PMEPA1: variants seen among roughly 807,000 people sequenced by gnomAD.
PMEPA1 encodes the protein protein TMEPAI.
In PMEPA1, 11 loss-of-function variants were observed where a neutral mutation model predicts 23.0. That is an observed-to-expected ratio of 0.48 (90% CI 0.30 to 0.79). The LOEUF (loss-of-function observed/expected upper bound fraction) is 0.79, where lower values mean the gene tolerates loss of function less well. Among genes scored for constraint, PMEPA1 ranks in the 30% least tolerant of loss-of-function variants. PMEPA1 has a pLI of 0.06. For missense variants in PMEPA1, 377 were observed against 390.9 expected, an observed-to-expected ratio of 0.96 and a Z score of 0.30; for synonymous variants, 204 against 166.4, an observed-to-expected ratio of 1.23 and a Z score of -1.74.
intron 1 of PMEPA1, among the ~76,000 whole-genome samples, chr20:57,696,852 A>C (rs1447320816): frequency 6.6e-6 from 1 of 152,216 alleles, no homozygotes; most frequent in Admixed American, 6.5e-5. Context: ...GGCAAGAGAA[A>C]ATGGAGGCCT....
At chr20:57,706,101 A>T (rs987863018) in intron 1 of PMEPA1, among the ~76,000 whole-genome samples, 1 of 152,170 alleles carries the variant, frequency 6.6e-6, no homozygotes, top group Non-Finnish European at 1.5e-5. Flanking sequence ...CCAGTGGGTG[A>T]TGTTAAAAAG....
At chr20:57,664,719 C>T (rs1017183247) in intron 1 of PMEPA1, among the ~76,000 whole-genome samples, 1 of 152,152 alleles carries the variant, frequency 6.6e-6, no homozygotes, top group Non-Finnish European at 1.5e-5. Flanking sequence ...CCAGCGCGGC[C>T]GCATCCCTCC....
rs191311158 is a variant in PMEPA1, at chr20:57,671,827, A to G, written c.110-12130T>C. 1.6e-3 allele frequency among the ~76,000 whole-genome samples: 248 copies of G among 152,338 alleles called. 2 individuals are homozygous for G. The highest frequency in any genetic ancestry group is 1.8e-3 in the Admixed American group (27 of 15,304). On this transcript the variant is annotated intron_variant, in intron 1 of 3. Coordinates refer to ENST00000341744, the MANE Select transcript of PMEPA1 (RefSeq NM_020182.5). ...CCCACTAGAGGCTAGAAGCACCATC[A>G]ATCCCCATTGCGACACTCAAAAATG...
At chr20:57,710,645 C>A, upstream of PMEPA1, 1 of 562,388 alleles carries the variant, frequency 1.8e-6, no homozygotes, top group South Asian at 2.7e-5. Context: ...GGTGTATTGT[C>A]GCCGCCCCAG....
chr20:57,703,272 G>A (rs1042023273), intron 1 of PMEPA1, among the ~76,000 whole-genome samples: 33 of 152,240 alleles, frequency 2.2e-4, no homozygotes, highest in African/African-American at 8.0e-4. Flanking sequence ...GGACATCAGG[G>A]CCTTTCTTTT....
rs6025692 is a variant in PMEPA1 at position 57,649,677 on chromosome 20, C to T, written c.*2376G>A. The T allele has an allele frequency of 0.088, 13,391 of 152,200 alleles. 1,297 individuals are homozygous for T. Among genetic ancestry groups the T allele is most frequent in the African/African-American group, 0.24 (9,930 of 41,372 alleles). 9.4% of individuals were successfully genotyped at this position (152,200 alleles called of 1,614,324 possible). A position where few individuals can be genotyped will look rare whatever the true frequency, so the allele number is the denominator to read the frequency against. ...AGCCTAGATGGGAGTCGTGTACAAACCTTGGCAAAAAAAGGTTGGAGGAGC... is the reference window on the plus strand; with the variant it reads ...AGCCTAGATGGGAGTCGTGTACAAATCTTGGCAAAAAAAGGTTGGAGGAGC... On this transcript the variant is annotated 3_prime_UTR_variant, in exon 4 of 4. Coordinates refer to ENST00000341744, the MANE Select transcript of PMEPA1 (RefSeq NM_020182.5).
At chr20:57,692,283 G>A (rs1260565244) in intron 1 of PMEPA1, among the ~76,000 whole-genome samples, 2 of 152,238 alleles carry the variant, frequency 1.3e-5, no homozygotes, top group East Asian at 1.9e-4. Flanking sequence ...CTTACGTGGT[G>A]ACCACTCACT....
At chr20:57,695,030 C>G (rs2071927797) in intron 1 of PMEPA1, among the ~76,000 whole-genome samples, 1 of 152,254 alleles carries the variant, frequency 6.6e-6, no homozygotes, top group Admixed American at 6.5e-5. Context: ...TGAGGCCCTT[C>G]AAACACCCAC....
chr20:57,666,231 A>AGAGAC (rs946504243), intron 1 of PMEPA1, among the ~76,000 whole-genome samples: 2 of 152,166 alleles, frequency 1.3e-5, no homozygotes, highest in African/African-American at 4.8e-5. Flanking sequence ...GGTCTCCTCC[A>AGAGAC]GAGACAGGCA....
In PMEPA1 at chr20:57,693,444, T is replaced by C. The variant is rs113124715; in HGVS notation, c.109+16030A>G. On this transcript the variant is annotated intron_variant, in intron 1 of 3. Coordinates refer to ENST00000341744, the MANE Select transcript of PMEPA1 (RefSeq NM_020182.5). ...CCACAAGCCAGACAGGCGGCAGAAC[T>C]TCCCCAACACCTCCCCGCCCCGGGA... Among the ~76,000 whole-genome samples the C allele has an allele frequency of 3.2e-3, 482 of 152,276 alleles. 2 individuals are homozygous for C. The highest frequency in any genetic ancestry group is 0.011 in the African/African-American group (446 of 41,566).
chr20:57,663,464 G>C (rs986841997), intron 1 of PMEPA1, among the ~76,000 whole-genome samples: 3 of 152,130 alleles, frequency 2.0e-5, no homozygotes, highest in Non-Finnish European at 2.9e-5. Flanking sequence ...ATGTGCGGGG[G>C]ACATGTGCTC....
At chr20:57,661,719 C>T (rs982636924) in intron 1 of PMEPA1, among the ~76,000 whole-genome samples, 1 of 152,170 alleles carries the variant, frequency 6.6e-6, no homozygotes, top group Non-Finnish European at 1.5e-5. Context: ...ACTCCAAACC[C>T]GGGGGGCCCA....
intron 1 of PMEPA1, among the ~76,000 whole-genome samples, chr20:57,681,787 G>A (rs1169046652): frequency 1.3e-5 from 2 of 152,046 alleles, no homozygotes; most frequent in East Asian, 1.9e-4. Flanking sequence ...AAGGTGACAC[G>A]GCCAGCTGGG....
intron 1 of PMEPA1, among the ~76,000 whole-genome samples, chr20:57,691,514 C>T (rs913246222): frequency 5.3e-5 from 8 of 152,156 alleles, no homozygotes; most frequent in African/African-American, 1.9e-4. Context: ...GGACAGGCAC[C>T]ACTGGCACCG....
chr20:57,657,286 C>A (rs2071339496), intron 2 of PMEPA1, among the ~76,000 whole-genome samples: 1 of 152,178 alleles, frequency 6.6e-6, no homozygotes, highest in African/African-American at 2.4e-5. Context: ...GAGTTAGTGC[C>A]CCTCCAGGGC....
intron 1 of PMEPA1, among the ~76,000 whole-genome samples, chr20:57,661,114 AT>A (rs1046300230): frequency 1.3e-5 from 2 of 152,054 alleles, no homozygotes; most frequent in African/African-American, 4.8e-5. Context: ...TGCCATTCGC[AT>A]TTTCTAAGGT....
At chr20:57,663,354 C>T (rs752852205) in intron 1 of PMEPA1, among the ~76,000 whole-genome samples, 3 of 152,044 alleles carry the variant, frequency 2.0e-5, no homozygotes, top group African/African-American at 7.2e-5. Context: ...TCAGAGGGCC[C>T]GGGTCCCAGC....
chr20:57,679,211 A>G (rs1057381359), intron 1 of PMEPA1, among the ~76,000 whole-genome samples: 2 of 152,208 alleles, frequency 1.3e-5, no homozygotes, highest in Admixed American at 1.3e-4. Flanking sequence ...AGTTGGGGAA[A>G]AAACACTCCT....
At chr20:57,674,501 CAG>C (rs2071610351) in intron 1 of PMEPA1, among the ~76,000 whole-genome samples, 1 of 152,216 alleles carries the variant, frequency 6.6e-6, no homozygotes, top group Admixed American at 6.5e-5. Flanking sequence ...TTTAGACAGA[CAG>C]AGGGGGCTGA....
Sources: gnomAD v4.1 joint callset for allele counts (sites outside exome capture counted in the v4.1 genomes callset) on GRCh38, gnomAD v4.1.1 for gene constraint, MANE v1.5 for transcripts, NCBI Gene and HGNC (gene_info 2026-07-23, HGNC 2026-07-21) for gene names.